HMGA2: variants seen among roughly 807,000 people sequenced by gnomAD.
HMGA2 encodes the protein high mobility group protein HMGI-C.
HMGA2 carries 8 observed loss-of-function variants against 19.1 expected under a neutral mutation model. The ratio of observed to expected loss-of-function variants is 0.42; its 90% confidence interval spans 0.25 to 0.76. The LOEUF is 0.76. HMGA2 is among the 30% of genes least tolerant of loss of function. HMGA2 has a pLI of 0.28. For synonymous variants in HMGA2, 60 were observed against 48.8 expected (o/e 1.23, Z -0.96); for missense variants, 109 against 136.3 (o/e 0.80, Z 1.00).
intron 2 of HMGA2, among the ~76,000 whole-genome samples, chr12:65,834,527 C>G (rs1392657950): frequency 5.2e-5 from 7 of 134,908 alleles, no homozygotes; most frequent in Non-Finnish European, 1.1e-4. Context: ...TCCCTCCCTT[C>G]TTCCTCCTTC....
At chr12:65,910,494 T>A (rs1386319606) in intron 3 of HMGA2, among the ~76,000 whole-genome samples, 1 of 152,200 alleles carries the variant, frequency 6.6e-6, no homozygotes, top group Non-Finnish European at 1.5e-5. Flanking sequence ...TGTCCCAATG[T>A]TATAGATTAT....
chr12:65,962,395 A>T (rs1876776735), intron 4 of HMGA2, among the ~76,000 whole-genome samples: 1 of 152,228 alleles, frequency 6.6e-6, no homozygotes, highest in Non-Finnish European at 1.5e-5. Context: ...AGTTAGATTT[A>T]TATGAAGAGG....
At position 65,864,925 on chromosome 12, in the gene HMGA2, A is replaced by G. The variant is rs117051965; in HGVS notation, c.249+26356A>G. On this transcript the variant is annotated intron_variant, in intron 3 of 4. Coordinates refer to ENST00000403681, the MANE Select transcript of HMGA2 (RefSeq NM_003483.6). ...ACTTATATGCAGATTTCTTTCAGTG[A>G]AAGTTACACTGAGTGCTTCTGCCTC... 1.6e-3 allele frequency among the ~76,000 whole-genome samples: 245 copies of G among 152,280 alleles called. 7 individuals carry two copies. The East Asian group carries it at 0.038, about 24-fold the overall frequency.
At chr12:65,860,390 A>G (rs978433615) in intron 3 of HMGA2, among the ~76,000 whole-genome samples, 1 of 152,248 alleles carries the variant, frequency 6.6e-6, no homozygotes, top group Admixed American at 6.5e-5. Context: ...CTGAACGTGT[A>G]TCACTTTCAC....
chr12:65,830,457 C>T (rs1870430800), intron 2 of HMGA2, among the ~76,000 whole-genome samples: 1 of 151,842 alleles, frequency 6.6e-6, no homozygotes, highest in Non-Finnish European at 1.5e-5. Context: ...GAGAAGTCTT[C>T]TATGAGTAAC....
chr12:65,836,010 G>T (rs1870701817), intron 2 of HMGA2, among the ~76,000 whole-genome samples: 1 of 152,090 alleles, frequency 6.6e-6, no homozygotes, highest in Non-Finnish European at 1.5e-5. Context: ...ATAGCCAAAG[G>T]GATCCTTAAA....
At chr12:65,864,043 T>G (rs907913412) in intron 3 of HMGA2, among the ~76,000 whole-genome samples, 2 of 152,212 alleles carry the variant, frequency 1.3e-5, no homozygotes, top group East Asian at 3.8e-4. Context: ...ATATTATGTA[T>G]GTGCAGTAAA....
chr12:65,908,886 G>T (rs534498610), intron 3 of HMGA2, among the ~76,000 whole-genome samples: 26 of 152,052 alleles, frequency 1.7e-4, no homozygotes, highest in African/African-American at 5.8e-4. Flanking sequence ...ACTTTGGCCC[G>T]ACCTGAATTC....
chr12:65,881,754 G>C, intron 3 of HMGA2: 1 of 703,100 alleles, frequency 1.4e-6, no homozygotes, highest in Non-Finnish European at 2.6e-6. Context: ...GGTTGCTAAT[G>C]AAGAGCCCGT....
rs575373269 is a variant in HMGA2 at position 65,906,429 on chromosome 12, C to T, written c.250-44954C>T. 3.9e-5 allele frequency among the ~76,000 whole-genome samples: 6 copies of T among 152,214 alleles called. No individual in the cohort carries two copies. In the South Asian group the frequency reaches 8.3e-4, roughly 21 times the overall value. Reference sequence around the variant, plus strand: ...TTCTACAGAAATGGGTCCACAGTAGCCCAGCAACATTCATTAATAAGTGTG... The same window carrying T: ...TTCTACAGAAATGGGTCCACAGTAGTCCAGCAACATTCATTAATAAGTGTG... On this transcript the variant is annotated intron_variant, in intron 3 of 4. Transcript: ENST00000403681.
At chr12:65,852,120 G>A (rs370607151) in intron 3 of HMGA2, among the ~76,000 whole-genome samples, 141 of 151,908 alleles carry the variant, frequency 9.3e-4, no homozygotes, top group Middle Eastern at 3.4e-3. Context: ...AGTACAATTT[G>A]TGCAAATAAT....
At chr12:65,923,807 C>G (rs1361177922) in intron 3 of HMGA2, among the ~76,000 whole-genome samples, 1 of 152,018 alleles carries the variant, frequency 6.6e-6, no homozygotes, top group Admixed American at 6.5e-5. Context: ...GTCGGGAGCT[C>G]GAGACCAGCC....
At chr12:65,879,468 A>C (rs1873241538) in intron 3 of HMGA2, among the ~76,000 whole-genome samples, 1 of 152,196 alleles carries the variant, frequency 6.6e-6, no homozygotes, top group African/African-American at 2.4e-5. Context: ...AATTTGAAAC[A>C]AACTATATAT....
intron 3 of HMGA2, chr12:65,856,165 A>T (rs1029224873): frequency 1.3e-5 from 2 of 152,230 alleles, no homozygotes; most frequent in African/African-American, 4.8e-5. Flanking sequence ...ACATTGCTGC[A>T]GTAAGCATGG....
At chr12:65,931,192 A>G (rs1875696281) in intron 3 of HMGA2, among the ~76,000 whole-genome samples, 1 of 151,944 alleles carries the variant, frequency 6.6e-6, no homozygotes. Flanking sequence ...TGGTTATTGG[A>G]TTTTTTTTAA....
At chr12:65,865,275 C>T (rs771839704) in intron 3 of HMGA2, among the ~76,000 whole-genome samples, 2 of 152,068 alleles carry the variant, frequency 1.3e-5, no homozygotes, top group African/African-American at 2.4e-5. Flanking sequence ...AAAAGTTTTG[C>T]GTGGATTTTT....
At chr12:65,902,746 T>A (rs1384290534) in intron 3 of HMGA2, among the ~76,000 whole-genome samples, 5 of 152,188 alleles carry the variant, frequency 3.3e-5, no homozygotes, top group Non-Finnish European at 7.3e-5. Context: ...TATATTCTGA[T>A]GTCATTAGTC....
chr12:65,827,888 G>T lies in HMGA2; in HGVS notation c.112-113G>T, dbSNP rs146211720. The stretch of plus-strand genomic sequence containing the variant: ...TCATCCATTTATGCTTGAACTGAAC[G>T]TGTTCCAACAGCTCTTTTGAGCAGC... On this transcript the variant is annotated intron_variant, in intron 1 of 4. Coordinates refer to ENST00000403681, the MANE Select transcript of HMGA2 (RefSeq NM_003483.6). 45 of 757,662 alleles carry T rather than the reference G, an allele frequency of 5.9e-5. No individual in the cohort carries two copies. In the African/African-American group the frequency reaches 6.8e-4, roughly 11 times the overall value. 46.9% of individuals were successfully genotyped at this position (757,662 alleles called of 1,614,324 possible).
At chr12:65,838,389 A>C (rs1870825940) in intron 2 of HMGA2, 130 bp from the exon 3 acceptor site, 4 of 697,524 alleles carry the variant, frequency 5.7e-6, no homozygotes, top group Non-Finnish European at 4.8e-6. Flanking sequence ...TTTGTTAAAA[A>C]AAACAAAAAA....
Sources: allele counts gnomAD v4.1 joint callset (sites outside exome capture counted in the v4.1 genomes callset), GRCh38; gene constraint gnomAD v4.1.1; transcripts MANE v1.5; gene names NCBI Gene and HGNC (gene_info 2026-07-23, HGNC 2026-07-21).